The following SPDYE1 variants were observed in gnomAD, a reference collection of about 807,000 sequenced individuals.
SPDYE1 encodes speedy protein E1.
A neutral mutation model predicts 45.9 loss-of-function variants in SPDYE1; 29 were observed. The ratio of observed to expected loss-of-function variants is 0.63; its 90% CI spans 0.47 to 0.86. The LOEUF (loss-of-function observed/expected upper bound fraction) is 0.86. Ranked by LOEUF, SPDYE1 falls within the 40% of genes least tolerant of loss-of-function variation. SPDYE1 has a pLI of 0.00. For missense variants in SPDYE1, 346 were observed against 481.4 expected (o/e 0.72, Z 2.63); for synonymous variants, 134 against 176.8 (o/e 0.76, Z 1.92).
intron 3 of SPDYE1, 148 bp from the exon 4 acceptor site, chr7:44,002,442 C>T: frequency 3.8e-6 from 3 of 794,338 alleles, no homozygotes; most frequent in Non-Finnish European, 6.1e-6. Context: ...TGGAGCTCAG[C>T]AGAGGAGACA....
At chr7:44,005,567 AC>A (rs1354169918) in intron 6 of SPDYE1, among the ~76,000 whole-genome samples, 3 of 151,768 alleles carry the variant, frequency 2.0e-5, no homozygotes, top group Admixed American at 2.0e-4. Flanking sequence ...AATCCCAGCT[AC>A]TCGGGAGGCT....
chr7:43,998,315 G>T (rs1367779592), intron 1 of SPDYE1, among the ~76,000 whole-genome samples: 1 of 151,750 alleles, frequency 6.6e-6, no homozygotes, highest in Non-Finnish European at 1.5e-5. Context: ...CTCACTCGCA[G>T]GTTCTTTATT....
At chr7:44,006,230 G>A (rs1190444538) in intron 6 of SPDYE1, among the ~76,000 whole-genome samples, 9 of 152,172 alleles carry the variant, frequency 5.9e-5, no homozygotes, top group East Asian at 1.9e-4. Flanking sequence ...TGGGTGTCCC[G>A]CATACATGTG....
chr7:44,006,507 G>C (rs2096071393), intron 6 of SPDYE1, among the ~76,000 whole-genome samples: 1 of 151,148 alleles, frequency 6.6e-6, no homozygotes, highest in Non-Finnish European at 1.5e-5. Context: ...GCAGTGGTGA[G>C]ATCATAGCTC....
rs1156657451 is a variant in SPDYE1, at chr7:44,000,957, C to T, written c.161-109C>T. ...AATCAGAAAGATGGCTTAGAGAAGT[C>T]AGCAGTCTGCGAGTCTGGGGAGGAT... is the stretch of plus-strand genomic sequence containing the variant. On this transcript the variant is annotated intron_variant, in intron 2 of 8. Transcript: ENST00000693451. 400 of 1,596,220 alleles carry T rather than the reference C, an allele frequency of 2.5e-4. 2 individuals carry two copies. The highest frequency in any genetic ancestry group is 3.2e-4 in the Non-Finnish European group (373 of 1,179,314).
At position 44,002,710 on chromosome 7, in the gene SPDYE1, A is replaced by T; in HGVS notation, c.500A>T (p.Glu167Val). 1 of 1,596,182 alleles carries T rather than the reference A, an allele frequency of 6.3e-7. No homozygotes were observed. Among genetic ancestry groups the T allele is most frequent in the Non-Finnish European group, 8.5e-7 (1 of 1,179,624 alleles). Residue 167 changes from glutamate to valine, a missense_variant, in exon 4 of 9, where the codon GAG becomes GTG. Transcript: ENST00000693451. ...EPRKVLAPEP[E>V]EIWVAEMLCG... is the part of the protein sequence containing the mutation. The stretch of plus-strand genomic sequence containing the variant: ...CGGAAGGTGCTCGCCCCTGAGCCTG[A>T]GGAGATCTGGGTGGCGGAGATGCTG...
intron 8 of SPDYE1, 131 bp downstream of exon 8, chr7:44,007,944 A>C: frequency 6.6e-7 from 1 of 1,508,906 alleles, no homozygotes; most frequent in South Asian, 1.2e-5. Context: ...AAATACAAAA[A>C]TTAGCCAGGC....
At chr7:44,005,705 C>T (rs1330314245) in intron 6 of SPDYE1, among the ~76,000 whole-genome samples, 6 of 146,532 alleles carry the variant, frequency 4.1e-5, no homozygotes, top group Non-Finnish European at 9.0e-5. Context: ...GCCAAAAAAA[C>T]AAACTCCAAT....
intron 6 of SPDYE1, among the ~76,000 whole-genome samples, chr7:44,005,665 G>A (rs1388296687): frequency 9.9e-5 from 14 of 141,610 alleles, no homozygotes; most frequent in African/African-American, 3.4e-4. Flanking sequence ...GTGACAGAGT[G>A]AGACTTTTTC....
In SPDYE1 at chr7:44,007,489, A is replaced by C; in HGVS notation, c.974A>C (p.Lys325Thr). The change falls in exon 7 of 9, where the codon AAG (lysine) becomes ACG (threonine). Residue 325 changes from lysine to threonine, a missense_variant. Coordinates refer to ENST00000693451, the MANE Select transcript of SPDYE1 (RefSeq NM_001378423.2). ...CGTTGCATGAACCCGAGGGCCAGGA[A>C]GAACCGCTCTCAGATAGTCCTGTTC... ...LRRCMNPRAR[K>T]NRSQIVLFQK... The C allele has an allele frequency of 6.2e-7, 1 of 1,613,854 alleles. No individual in the cohort carries two copies. The highest frequency in any genetic ancestry group is 8.5e-7 in the Non-Finnish European group (1 of 1,179,938).
rs1437365184 is a variant in SPDYE1, at chr7:44,007,777, G to C, written c.*9G>C. 8.1e-6 allele frequency: 13 copies of C among 1,610,556 alleles called. No individual in the cohort carries two copies. The highest frequency in any genetic ancestry group is 9.3e-6 in the Non-Finnish European group (11 of 1,179,588). On this transcript the variant is annotated 3_prime_UTR_variant, in exon 8 of 9. Coordinates refer to ENST00000693451, the MANE Select transcript of SPDYE1 (RefSeq NM_001378423.2). ...GCGCTCGCCTTTCCTAGAGCTCCAGGGACCGTGGAGGCCTGAGGTCATCGG... is the reference window on the plus strand; with the variant it reads ...GCGCTCGCCTTTCCTAGAGCTCCAGCGACCGTGGAGGCCTGAGGTCATCGG...
chr7:44,007,229 G>C, intron 6 of SPDYE1, 39 bp from the exon 7 acceptor site: 1 of 1,612,164 alleles, frequency 6.2e-7, no homozygotes, highest in Non-Finnish European at 8.5e-7. Flanking sequence ...GGTCTCTCCT[G>C]GTGGTGCCCC....
intron 8 of SPDYE1, among the ~76,000 whole-genome samples, chr7:44,008,226 G>A (rs1344947870): frequency 6.6e-6 from 1 of 152,242 alleles, no homozygotes; most frequent in Non-Finnish European, 1.5e-5. Flanking sequence ...CACAGAGCAT[G>A]AGACTTCATC....
At chr7:43,999,006 A>G (rs1328028105) in intron 1 of SPDYE1, among the ~76,000 whole-genome samples, 2 of 149,106 alleles carry the variant, frequency 1.3e-5, no homozygotes, top group Non-Finnish European at 3.0e-5. Context: ...GTCTTTTTGT[A>G]CATGTGATAT....
At chr7:44,008,105 T>A (rs1472376296) in intron 8 of SPDYE1, among the ~76,000 whole-genome samples, 1 of 152,186 alleles carries the variant, frequency 6.6e-6, no homozygotes, top group African/African-American at 2.4e-5. Context: ...AAAATAATCA[T>A]AAATACTGAG....
At chr7:44,001,784 T>C (rs1191829633) in intron 3 of SPDYE1, among the ~76,000 whole-genome samples, 1 of 152,108 alleles carries the variant, frequency 6.6e-6, no homozygotes, top group African/African-American at 2.4e-5. Flanking sequence ...ACGTCATTTA[T>C]ACTAACGATA....
chr7:44,005,567 A>T (rs1050127002), intron 6 of SPDYE1, among the ~76,000 whole-genome samples: 8 of 151,884 alleles, frequency 5.3e-5, no homozygotes, highest in African/African-American at 1.9e-4. Flanking sequence ...AATCCCAGCT[A>T]CTCGGGAGGC....
rs1366151837 is a variant in SPDYE1 at position 44,007,692 on chromosome 7, G to C, written c.1072-17G>C. The C allele has an allele frequency of 6.2e-7, 1 of 1,609,356 alleles. No individual in the cohort carries two copies. Among genetic ancestry groups the C allele is most frequent in the Non-Finnish European group, 8.5e-7 (1 of 1,178,510 alleles). On this transcript the variant is annotated splice_polypyrimidine_tract_variant and intron_variant, in intron 7 of 8. Transcript: ENST00000693451. ...CTGGCGAGTCCCCGTCTTCTCAAAG[G>C]GCGTTTGTTTTTCCAGATCCAGGCT...
rs573812009 is a variant in SPDYE1 at position 44,006,880 on chromosome 7, C to T, written c.753-388C>T. 2.6e-5 allele frequency among the ~76,000 whole-genome samples: 4 copies of T among 152,350 alleles called. No homozygotes were observed. The East Asian group carries it at 7.7e-4, about 29-fold the overall frequency. On this transcript the variant is annotated intron_variant, in intron 6 of 8. Transcript: ENST00000693451. ...CCACCTGCTTCAGCCTTCTAAAGTGCTGGGATTACAGGCATGAGCCACCGT... is the reference window on the plus strand; with the variant it reads ...CCACCTGCTTCAGCCTTCTAAAGTGTTGGGATTACAGGCATGAGCCACCGT...
Sources: gnomAD v4.1 joint callset for allele counts (sites outside exome capture counted in the v4.1 genomes callset) on GRCh38, gnomAD v4.1.1 for gene constraint, MANE v1.5 for transcripts, NCBI Gene and HGNC (gene_info 2026-07-23, HGNC 2026-07-21) for gene names.